The following PLEKHB2 variants were observed in gnomAD, a reference collection of about 807,000 sequenced individuals.
PLEKHB2 encodes pleckstrin homology domain containing B2.
A neutral mutation model predicts 36.5 loss-of-function variants in PLEKHB2; 31 were observed. The ratio of observed to expected loss-of-function variants is 0.85; its 90% confidence interval spans 0.64 to 1.15. The LOEUF is 1.15. PLEKHB2 is among the 50% of genes most tolerant of loss of function. The pLI, the probability that PLEKHB2 is intolerant of heterozygous loss-of-function variation, is 0.00. For synonymous variants in PLEKHB2, 119 were observed against 112.0 expected, an observed-to-expected ratio of 1.06 and a Z score of -0.39; for missense variants, 262 against 295.3, an observed-to-expected ratio of 0.89 and a Z score of 0.83.
At position 131,148,873 on chromosome 2, in the gene PLEKHB2, T is replaced by A. The variant is rs1283438340; in HGVS notation, c.*2100T>A. 6.6e-6 allele frequency: 1 copy of A among 152,242 alleles called. No individual in the cohort carries two copies. The highest frequency in any genetic ancestry group is 1.5e-5 in the Non-Finnish European group (1 of 68,042). 9.4% of individuals were successfully genotyped at this position (152,242 alleles called of 1,614,324 possible). On this transcript the variant is annotated 3_prime_UTR_variant, in exon 8 of 8. Coordinates refer to ENST00000693505, the MANE Select transcript of PLEKHB2 (RefSeq NM_001100623.2). The stretch of plus-strand genomic sequence containing the variant: ...CGTTATTAAAGCTGTATGTACACTT[T>A]ACTTAAAAACTATTAACAGTTTTTC...
chr2:131,122,352 C>G (rs1696609219), intron 2 of PLEKHB2, among the ~76,000 whole-genome samples: 1 of 152,212 alleles, frequency 6.6e-6, no homozygotes, highest in Non-Finnish European at 1.5e-5. Flanking sequence ...AAAAACTGAG[C>G]TGTATCACAT....
chr2:131,115,010 T>C (rs762239634), intron 1 of PLEKHB2, among the ~76,000 whole-genome samples: 19 of 152,330 alleles, frequency 1.2e-4, no homozygotes, highest in Non-Finnish European at 1.8e-4. Context: ...AATAAAGATA[T>C]ACCCAAGACT....
Position 131,149,429 on chromosome 2 carries a change from G to T in PLEKHB2, c.*2656G>T, listed in dbSNP as rs748986844. ...ATATTATATACATGCTGATCTGATT[G>T]TTCTTTTCATTCCTTGAGTCAACTT... On this transcript the variant is annotated 3_prime_UTR_variant, in exon 8 of 8. Transcript: ENST00000693505. 3.9e-5 allele frequency: 6 copies of T among 152,186 alleles called. No homozygotes were observed. Among genetic ancestry groups the T allele is most frequent in the Non-Finnish European group, 7.3e-5 (5 of 68,040 alleles). 9.4% of individuals were successfully genotyped at this position (152,186 alleles called of 1,614,324 possible). A position where few individuals can be genotyped will look rare whatever the true frequency, so the allele number is the denominator to read the frequency against.
chr2:131,110,029 G>A (rs1336519933), intron 1 of PLEKHB2, among the ~76,000 whole-genome samples: 2 of 151,788 alleles, frequency 1.3e-5, no homozygotes, highest in African/African-American at 4.8e-5. Context: ...GCAGGAGAAT[G>A]GCATGAACCT....
intron 6 of PLEKHB2, among the ~76,000 whole-genome samples, chr2:131,139,672 A>G (rs1188566687): frequency 6.6e-6 from 1 of 152,222 alleles, no homozygotes; most frequent in Non-Finnish European, 1.5e-5. Context: ...GAACACCATC[A>G]GTCACCTGCC....
chr2:131,117,064 G>C (rs1695950933), intron 1 of PLEKHB2, among the ~76,000 whole-genome samples: 1 of 152,106 alleles, frequency 6.6e-6, no homozygotes, highest in South Asian at 2.1e-4. Context: ...GGAGGTTGCA[G>C]TGAGCCTAGA....
intron 5 of PLEKHB2, among the ~76,000 whole-genome samples, chr2:131,132,565 G>A (rs1697819273): frequency 6.6e-6 from 1 of 152,140 alleles, no homozygotes. Flanking sequence ...TCCCCAAAGT[G>A]TTGGGATTAT....
intron 1 of PLEKHB2, among the ~76,000 whole-genome samples, chr2:131,113,226 T>C (rs1695507895): frequency 6.6e-6 from 1 of 151,906 alleles, no homozygotes; most frequent in African/African-American, 2.4e-5. Flanking sequence ...GGACTACAGG[T>C]GTGTGCCACC....
intron 1 of PLEKHB2, among the ~76,000 whole-genome samples, chr2:131,114,723 C>T (rs541027135): frequency 6.6e-6 from 1 of 152,248 alleles, no homozygotes; most frequent in East Asian, 1.9e-4. Flanking sequence ...GACCTTTACT[C>T]CAGTTCCCAA....
chr2:131,114,313 A>G (rs888357130), intron 1 of PLEKHB2, among the ~76,000 whole-genome samples: 3 of 152,010 alleles, frequency 2.0e-5, no homozygotes, highest in Non-Finnish European at 2.9e-5. Flanking sequence ...TTTAGTAGAG[A>G]CGGGGTTTCA....
At chr2:131,134,056 C>T (rs796153224) in intron 6 of PLEKHB2, among the ~76,000 whole-genome samples, 16 of 151,584 alleles carry the variant, frequency 1.1e-4, no homozygotes, top group African/African-American at 2.9e-4. Flanking sequence ...CCCGCCACCA[C>T]GCCCGGCTAA....
chr2:131,140,464 C>T (rs543712398), intron 7 of PLEKHB2, among the ~76,000 whole-genome samples, 189 bp downstream of exon 7: 88 of 152,292 alleles, frequency 5.8e-4, no homozygotes, highest in Non-Finnish European at 9.8e-4. Flanking sequence ...GCAAAGCTAC[C>T]GTAGGCTTGA....
chr2:131,122,877 C>T (rs549265548), intron 2 of PLEKHB2, among the ~76,000 whole-genome samples: 22 of 152,294 alleles, frequency 1.4e-4, no homozygotes, highest in Non-Finnish European at 2.6e-4. Flanking sequence ...TTGGGTTTTG[C>T]GGTCTCAACG....
Position 131,148,257 on chromosome 2 carries a change from T to G in PLEKHB2, c.*1484T>G, listed in dbSNP as rs2105009765. ...CTTTGTGATAGAGAAGCTTAGAACA[T>G]TGAATTTGGAACCCCAAAATGTGTG... is the stretch of plus-strand genomic sequence containing the variant. On this transcript the variant is annotated 3_prime_UTR_variant, in exon 8 of 8. Coordinates refer to ENST00000693505, the MANE Select transcript of PLEKHB2 (RefSeq NM_001100623.2). 6.6e-6 allele frequency: 1 copy of G among 152,326 alleles called. No homozygotes were observed. The highest frequency in any genetic ancestry group is 1.5e-5 in the Non-Finnish European group (1 of 68,032). The allele number at this position is 152,326 out of a possible 1,614,324, so 9.4% of individuals were successfully genotyped here.
At chr2:131,112,527 A>G (rs1695436490) in intron 1 of PLEKHB2, among the ~76,000 whole-genome samples, 1 of 152,226 alleles carries the variant, frequency 6.6e-6, no homozygotes, top group Admixed American at 6.5e-5. Context: ...GCCAGATTTG[A>G]GGACAGCAAC....
chr2:131,134,490 GAATT>G (rs1698040332), intron 6 of PLEKHB2, among the ~76,000 whole-genome samples: 1 of 152,054 alleles, frequency 6.6e-6, no homozygotes, highest in Non-Finnish European at 1.5e-5. Context: ...TATTAATTTT[GAATT>G]AATTTTTTAT....
At chr2:131,117,856 T>C (rs1696047475) in intron 1 of PLEKHB2, among the ~76,000 whole-genome samples, 1 of 152,228 alleles carries the variant, frequency 6.6e-6, no homozygotes, top group Non-Finnish European at 1.5e-5. Context: ...TGGTCACTGC[T>C]GTATCCTTAG....
rs1049112084 is a variant in PLEKHB2, at chr2:131,148,604, C to T, written c.*1831C>T. ...ACCTCCCTCTGAGGCCAACTTAGGC[C>T]AACCTACATAGGACTCCATCTTTAG... On this transcript the variant is annotated 3_prime_UTR_variant, in exon 8 of 8. Coordinates refer to ENST00000693505, the MANE Select transcript of PLEKHB2 (RefSeq NM_001100623.2). 2 of 152,320 alleles carry T rather than the reference C, an allele frequency of 1.3e-5. No homozygotes were observed. The highest frequency in any genetic ancestry group is 4.8e-5 in the African/African-American group (2 of 41,554). The allele number at this position is 152,320 out of a possible 1,614,324, so 9.4% of individuals were successfully genotyped here. A position where few individuals can be genotyped will look rare whatever the true frequency, so the allele number is the denominator to read the frequency against.
At chr2:131,110,136 A>G (rs1204777115) in intron 1 of PLEKHB2, among the ~76,000 whole-genome samples, 1 of 152,064 alleles carries the variant, frequency 6.6e-6, no homozygotes, top group East Asian at 1.9e-4. Flanking sequence ...ATAGTATTTT[A>G]TCTTTGTGGA....
Sources: allele counts gnomAD v4.1 joint callset (sites outside exome capture counted in the v4.1 genomes callset), GRCh38; gene constraint gnomAD v4.1.1; transcripts MANE v1.5; gene names NCBI Gene and HGNC (gene_info 2026-07-23, HGNC 2026-07-21).